Variants in ETV6 observed in about 807,000 individuals in gnomAD.
ETV6 encodes the protein transcription factor ETV6.
A neutral mutation model predicts 51.1 loss-of-function variants in ETV6; 16 were observed. The ratio of observed to expected loss-of-function variants is 0.31; its 90% CI spans 0.21 to 0.48. ETV6 has a LOEUF of 0.48. ETV6 is among the 20% of genes least tolerant of loss of function. The pLI is 0.99. For missense variants in ETV6, 458 were observed against 594.8 expected (o/e 0.77, Z 2.39); for synonymous variants, 240 against 224.1 (o/e 1.07, Z -0.64).
intron 1 of ETV6, among the ~76,000 whole-genome samples, chr12:11,669,395 T>TCCCTCCATCCCTCCC (rs1408869777): frequency 3.7e-5 from 1 of 27,052 alleles, no homozygotes; most frequent in African/African-American, 1.2e-4. Context: ...CCCTCCCTCC[T>TCCCTCCATCCCTCCC]TTCCTCCTTT....
chr12:11,751,612 T>C (rs2121063574), intron 1 of ETV6, among the ~76,000 whole-genome samples: 1 of 152,360 alleles, frequency 6.6e-6, no homozygotes, highest in African/African-American at 2.4e-5. Flanking sequence ...TAGTTTGTTT[T>C]AATTGATCTA....
At chr12:11,885,235 C>T (rs191977934) in intron 6 of ETV6, among the ~76,000 whole-genome samples, 42 of 152,304 alleles carry the variant, frequency 2.8e-4, no homozygotes, top group Middle Eastern at 3.4e-3. Flanking sequence ...TGGCACAACC[C>T]CAATCCGCTG....
rs1947358902 is a variant in ETV6, at chr12:11,894,370, G to A, written c.*3324G>A. 1 of 232,972 alleles carries A rather than the reference G, an allele frequency of 4.3e-6. No individual in the cohort carries two copies. 14.4% of individuals were successfully genotyped at this position (232,972 alleles called of 1,614,324 possible). A position where few individuals can be genotyped will look rare whatever the true frequency, so the allele number is the denominator to read the frequency against. ...GCAGTCTCCTCTCTATCAGAAGAAAGCACTGGTAATTGGCTAGACTGGCTA... is the reference window on the plus strand; with the variant it reads ...GCAGTCTCCTCTCTATCAGAAGAAAACACTGGTAATTGGCTAGACTGGCTA... On this transcript the variant is annotated 3_prime_UTR_variant, in exon 8 of 8. Coordinates refer to ENST00000396373, the MANE Select transcript of ETV6 (RefSeq NM_001987.5).
At chr12:11,706,109 T>G (rs543583711) in intron 1 of ETV6, among the ~76,000 whole-genome samples, 1 of 152,366 alleles carries the variant, frequency 6.6e-6, no homozygotes, top group African/African-American at 2.4e-5. Flanking sequence ...ACGTTCCTTC[T>G]GTTGAGGTGC....
intron 1 of ETV6, among the ~76,000 whole-genome samples, chr12:11,728,301 G>C (rs1382439228): frequency 2.0e-5 from 3 of 152,174 alleles, no homozygotes; most frequent in Non-Finnish European, 4.4e-5. Context: ...TATACCAGGG[G>C]TCCCCAACCC....
intron 3 of ETV6, among the ~76,000 whole-genome samples, chr12:11,840,142 G>T (rs565332916): frequency 1.3e-5 from 2 of 152,298 alleles, no homozygotes; most frequent in South Asian, 4.1e-4. Flanking sequence ...CTTGTAGCCT[G>T]TAGAAATCCT....
chr12:11,816,471 C>T (rs373761823), intron 2 of ETV6, among the ~76,000 whole-genome samples: 3 of 152,286 alleles, frequency 2.0e-5, no homozygotes, highest in East Asian at 1.9e-4. Flanking sequence ...TGGTCTCGAT[C>T]TCCTGACCTC....
intron 1 of ETV6, among the ~76,000 whole-genome samples, chr12:11,694,658 A>G (rs149754271): frequency 2.5e-4 from 38 of 152,122 alleles, no homozygotes; most frequent in Non-Finnish European, 1.5e-5. Flanking sequence ...CCACCTGGTT[A>G]TTGTCTCTGT....
At chr12:11,856,613 A>C (rs137961118) in intron 4 of ETV6, among the ~76,000 whole-genome samples, 130 of 152,236 alleles carry the variant, frequency 8.5e-4, no homozygotes, top group African/African-American at 2.9e-3. Flanking sequence ...CTTGATGACA[A>C]AGAGAACAAG....
intron 2 of ETV6, among the ~76,000 whole-genome samples, chr12:11,815,553 C>G (rs902855470): frequency 6.6e-6 from 1 of 152,236 alleles, no homozygotes; most frequent in African/African-American, 2.4e-5. Context: ...CATTTAGCCC[C>G]GTTCCCTTCA....
intron 2 of ETV6, among the ~76,000 whole-genome samples, chr12:11,791,058 A>G (rs1026837869): frequency 6.6e-6 from 1 of 152,128 alleles, no homozygotes; most frequent in Admixed American, 6.5e-5. Flanking sequence ...GTAACTAGTG[A>G]CACCAGTCCC....
intron 2 of ETV6, among the ~76,000 whole-genome samples, chr12:11,829,652 AG>A (rs1354916284): frequency 6.6e-6 from 1 of 152,262 alleles, no homozygotes; most frequent in East Asian, 1.9e-4. Context: ...AGCTAAAACT[AG>A]ATAAAAGTCA....
rs1863865570 is a variant in ETV6, at chr12:11,650,236, T to C, written c.33+76T>C. The stretch of plus-strand genomic sequence containing the variant: ...GGCCAGGGCAGTCGTGCTGGGCTCC[T>C]CAGAGCAGGCTGTTGCAGTTGCTCT... On this transcript the variant is annotated intron_variant, in intron 1 of 7. Coordinates refer to ENST00000396373, the MANE Select transcript of ETV6 (RefSeq NM_001987.5). 3.9e-6 allele frequency: 5 copies of C among 1,285,754 alleles called. No homozygotes were observed. The East Asian group carries it at 9.2e-5, about 24-fold the overall frequency. The allele number at this position is 1,285,754 out of a possible 1,614,324, so 79.6% of individuals were successfully genotyped here. A position where few individuals can be genotyped will look rare whatever the true frequency, so the allele number is the denominator to read the frequency against.
At chr12:11,742,332 C>G (rs930193924) in intron 1 of ETV6, among the ~76,000 whole-genome samples, 1 of 152,190 alleles carries the variant, frequency 6.6e-6, no homozygotes, top group East Asian at 1.9e-4. Flanking sequence ...AAACAAAACT[C>G]CCCAGACTTT....
intron 2 of ETV6, among the ~76,000 whole-genome samples, chr12:11,772,742 A>G (rs1945260373): frequency 6.6e-6 from 1 of 152,234 alleles, no homozygotes; most frequent in African/African-American, 2.4e-5. Context: ...GTAATGCTCC[A>G]TTTAAACTTT....
chr12:11,693,447 T>C (rs1459262123), intron 1 of ETV6, among the ~76,000 whole-genome samples: 1 of 151,890 alleles, frequency 6.6e-6, no homozygotes, highest in African/African-American at 2.4e-5. Flanking sequence ...TGTCATCCTC[T>C]CACTCTTTCC....
chr12:11,868,438 C>CTTTT (rs71057775), intron 4 of ETV6, among the ~76,000 whole-genome samples: 5 of 127,968 alleles, frequency 3.9e-5, no homozygotes, highest in African/African-American at 1.5e-4. Context: ...CTTTTTTCTT[C>CTTTT]TTTTTTTTTT....
intron 2 of ETV6, among the ~76,000 whole-genome samples, chr12:11,764,113 G>A (rs6488451): frequency 2.6e-5 from 4 of 152,116 alleles, no homozygotes; most frequent in Non-Finnish European, 5.9e-5. Context: ...ATTATGGCAG[G>A]AGATAGTTAT....
At position 11,891,182 on chromosome 12, in the gene ETV6, C is replaced by A; in HGVS notation, c.*136C>A. The A allele has an allele frequency of 1.5e-6, 1 of 658,836 alleles. No homozygotes were observed. Among genetic ancestry groups the A allele is most frequent in the East Asian group, 2.7e-5 (1 of 37,436 alleles). 40.8% of individuals were successfully genotyped at this position (658,836 alleles called of 1,614,324 possible). A position where few individuals can be genotyped will look rare whatever the true frequency, so the allele number is the denominator to read the frequency against. Reference sequence around the variant, plus strand: ...ACCCAGAAATGGCAGGGACACTTCTCTTGCAGACCAAGAGGGACCCTGGAG... The same window carrying A: ...ACCCAGAAATGGCAGGGACACTTCTATTGCAGACCAAGAGGGACCCTGGAG... On this transcript the variant is annotated 3_prime_UTR_variant, in exon 8 of 8. Coordinates refer to ENST00000396373, the MANE Select transcript of ETV6 (RefSeq NM_001987.5).
Sources: allele counts gnomAD v4.1 joint callset (sites outside exome capture counted in the v4.1 genomes callset), GRCh38; gene constraint gnomAD v4.1.1; transcripts MANE v1.5; gene names NCBI Gene and HGNC (gene_info 2026-07-23, HGNC 2026-07-21).